VSIG1: variants seen among roughly 807,000 people sequenced by gnomAD.
The protein encoded by VSIG1 is V-set and immunoglobulin domain containing 1.
VSIG1 carries 11 observed loss-of-function variants against 20.1 expected under a neutral mutation model. The ratio of observed to expected loss-of-function variants is 0.55; its 90% CI spans 0.34 to 0.91. The LOEUF (loss-of-function observed/expected upper bound fraction) is 0.91, where lower values mean the gene tolerates loss of function less well. VSIG1 is among the 40% of genes least tolerant of loss of function. The pLI, the probability that VSIG1 is intolerant of heterozygous loss-of-function variation, is 0.02. For synonymous variants in VSIG1, 126 were observed against 116.7 expected (o/e 1.08, Z -0.52); for missense variants, 283 against 298.8 (o/e 0.95, Z 0.39).
intron 1 of VSIG1, 86 bp from the exon 2 acceptor site, chrX:108,057,952 G>A (rs2030937514): frequency 4.3e-6 from 4 of 925,705 alleles, no homozygotes; most frequent in Admixed American, 6.0e-5. Flanking sequence ...TCCTCAAATA[G>A]GATGTCTTTG....
chrX:108,049,894 G>A (rs779838120), intron 1 of VSIG1, among the ~76,000 whole-genome samples: 5 of 112,255 alleles, frequency 4.5e-5, no homozygotes, highest in Non-Finnish European at 9.4e-5. Flanking sequence ...GGAAAGATTA[G>A]CTGCTTTCTG....
At chrX:108,069,732 A>G (rs887189148) in intron 3 of VSIG1, among the ~76,000 whole-genome samples, 2 of 112,090 alleles carry the variant, frequency 1.8e-5, no homozygotes, top group East Asian at 2.8e-4. Context: ...AGCAATGGAC[A>G]TGGGGAAATG....
At chrX:108,070,378 A>G (rs1466663295) in intron 3 of VSIG1, among the ~76,000 whole-genome samples, 1 of 112,038 alleles carries the variant, frequency 8.9e-6, no homozygotes, top group East Asian at 2.8e-4. Context: ...CTGGGTCAGT[A>G]GTTTTAGAAA....
chrX:108,037,599 G>A, the VSIG1 span, among the ~76,000 whole-genome samples: 5 of 112,243 alleles, frequency 4.5e-5, no homozygotes, highest in East Asian at 2.8e-4. Context: ...CTTCATCAAA[G>A]GGTAATGATT....
chrX:108,076,208 G>A lies in VSIG1; in HGVS notation c.820G>A (p.Ala274Thr), dbSNP rs376433155. 4.2e-5 allele frequency: 51 copies of A among 1,206,615 alleles called. No individual in the cohort carries two copies. Among genetic ancestry groups the A allele is most frequent in the African/African-American group, 8.7e-5 (5 of 57,166 alleles). Residue 274 changes from alanine to threonine, a missense_variant, in exon 6 of 7, where the codon GCG becomes ACG. By Grantham distance (58) the Ala-to-Thr change is moderately conservative. Transcript: ENST00000217957. ...AAAAGAAAGAAATTCTAAGACCATC[G>A]CGGAACTTGAGTAAGCCTTCATTTT... is the stretch of plus-strand genomic sequence containing the variant. The part of the protein sequence containing the change: ...KAKERNSKTI[A>T]ELEPMTKINP...
intron 1 of VSIG1, among the ~76,000 whole-genome samples, chrX:108,046,449 C>G (rs1306140617): frequency 1.8e-5 from 2 of 111,135 alleles, no homozygotes; most frequent in Non-Finnish European, 3.8e-5. Flanking sequence ...TTGGGTCGAC[C>G]CCTGGGCCTT....
intron 1 of VSIG1, among the ~76,000 whole-genome samples, chrX:108,049,525 TCAAA>T (rs766468334): frequency 8.9e-6 from 1 of 112,024 alleles, no homozygotes; most frequent in South Asian, 3.7e-4. Context: ...TACTCTGCCA[TCAAA>T]CACTTTTTCC....
intron 2 of VSIG1, among the ~76,000 whole-genome samples, chrX:108,058,576 T>C (rs2030958669): frequency 8.9e-6 from 1 of 111,883 alleles, no homozygotes; most frequent in South Asian, 3.8e-4. Flanking sequence ...CAAGTCCTGA[T>C]TGATCTGCAG....
the VSIG1 span, among the ~76,000 whole-genome samples, chrX:108,022,939 C>A: frequency 8.9e-6 from 1 of 111,755 alleles, no homozygotes; most frequent in Non-Finnish European, 1.9e-5. Context: ...ACACATCTGC[C>A]CCCACTTCAC....
the VSIG1 span, among the ~76,000 whole-genome samples, chrX:108,021,668 A>C: frequency 0.012 from 1,321 of 112,479 alleles, 12 homozygotes; most frequent in Admixed American, 0.018. Context: ...TTTTCTTCTG[A>C]TAATTTTATA....
chrX:108,047,909 TATATATATACAC>T (rs2030656532), intron 1 of VSIG1, among the ~76,000 whole-genome samples: 1 of 51,621 alleles, frequency 1.9e-5, no homozygotes, highest in Non-Finnish European at 3.3e-5. Context: ...TATATACACA[TATATATATACAC>T]ATATATATAT....
Position 108,047,907 on chromosome X carries a change from C to CATATATATATATACACAT in VSIG1, c.49+2739_49+2740insTACACATATATATATATA, listed in dbSNP as rs370322784. The stretch of plus-strand genomic sequence containing the variant: ...ATATACACACATATATATATATACA[C>CATATATATATATACACAT]ATATATATATACACATATATATATA... On this transcript the variant is annotated intron_variant, in intron 1 of 6. Coordinates refer to ENST00000217957, the MANE Select transcript of VSIG1 (RefSeq NM_182607.5). 3.9e-3 allele frequency among the ~76,000 whole-genome samples: 113 copies of CATATATATATATACACAT among 29,247 alleles called. 22 individuals carry two copies. Among genetic ancestry groups the CATATATATATATACACAT allele is most frequent in the African/African-American group, 0.02 (86 of 4,382 alleles). The allele number at this position is 29,247 out of a possible 115,157, so 25.4% of individuals were successfully genotyped here. A position where few individuals can be genotyped will look rare whatever the true frequency, so the allele number is the denominator to read the frequency against.
the VSIG1 span, among the ~76,000 whole-genome samples, chrX:108,018,910 G>A: frequency 9.0e-6 from 1 of 111,499 alleles, no homozygotes; most frequent in East Asian, 2.8e-4. Context: ...TGGTGGTAAC[G>A]GTGCACTGAG....
rs776728961 is a variant in VSIG1, at chrX:108,076,153, C to A, written c.765C>A (p.Cys255Ter). 1.3e-5 allele frequency: 16 copies of A among 1,211,235 alleles called. No homozygotes were observed. The highest frequency in any genetic ancestry group is 1.8e-5 in the Non-Finnish European group (16 of 895,127). The stretch of plus-strand genomic sequence containing the variant: ...CCGCCATCATCATCTCTGTTGTGTG[C>A]TTCGCAAGGAATAAGGCAAAAGCAA... ...VGAAIIISVV[C>*]FARNKAKAKA... Residue 255 changes from cysteine to a stop codon, truncating the protein, a stop_gained, in exon 6 of 7, where the codon TGC (cysteine) becomes TGA (stop). Coordinates refer to ENST00000217957, the MANE Select transcript of VSIG1 (RefSeq NM_182607.5). LOFTEE classifies it high-confidence loss of function.
At chrX:108,041,734 T>C (rs868298496), upstream of VSIG1, among the ~76,000 whole-genome samples, 64 of 107,080 alleles carry the variant, frequency 6.0e-4, no homozygotes, top group African/African-American at 2.1e-3. Flanking sequence ...AACCATTTAC[T>C]ATCAAAATGT....
chrX:108,063,109 G>A (rs1405998096), intron 2 of VSIG1, among the ~76,000 whole-genome samples: 1 of 112,095 alleles, frequency 8.9e-6, no homozygotes, highest in Non-Finnish European at 1.9e-5. Context: ...AAGAACTGAG[G>A]GGCCTACAAT....
Position 108,078,379 on chromosome X carries a change from C to G in VSIG1, c.*998C>G, listed in dbSNP as rs1390180258. The G allele has an allele frequency of 8.9e-6, 1 of 111,936 alleles. No homozygotes were observed. The highest frequency in any genetic ancestry group is 1.9e-5 in the Non-Finnish European group (1 of 53,211). The allele number at this position is 111,936 out of a possible 1,213,427, so 9.2% of individuals were successfully genotyped here. A position where few individuals can be genotyped will look rare whatever the true frequency, so the allele number is the denominator to read the frequency against. On this transcript the variant is annotated 3_prime_UTR_variant, in exon 7 of 7. Coordinates refer to ENST00000217957, the MANE Select transcript of VSIG1 (RefSeq NM_182607.5). ...CCGAGGCAGGTGGATCACCTGAGGTCAGGAGTTCGAGACCAGCCTGGCCAA... is the reference window on the plus strand; with the variant it reads ...CCGAGGCAGGTGGATCACCTGAGGTGAGGAGTTCGAGACCAGCCTGGCCAA...
In VSIG1 at chrX:108,067,178, A is replaced by G. The variant is rs755539835; in HGVS notation, c.412+44A>G. 7.7e-6 allele frequency: 9 copies of G among 1,163,219 alleles called. No homozygotes were observed. In the South Asian group the frequency reaches 9.0e-5, roughly 12 times the overall value. ...GCTTTTTCTTTTCTTGGAAAAAGTT[A>G]GGACACTGAATGAGCCAGGACAGTG... On this transcript the variant is annotated intron_variant, in intron 3 of 6. Transcript: ENST00000217957.
chrX:108,037,326 GA>G, the VSIG1 span, among the ~76,000 whole-genome samples: 1 of 111,634 alleles, frequency 9.0e-6, no homozygotes, highest in Admixed American at 9.5e-5. Context: ...AAATATATAT[GA>G]AAAAGCTTTA....
Sources: gnomAD v4.1 joint callset for allele counts (sites outside exome capture counted in the v4.1 genomes callset) on GRCh38, gnomAD v4.1.1 for gene constraint, MANE v1.5 for transcripts, NCBI Gene and HGNC (gene_info 2026-07-23, HGNC 2026-07-21) for gene names.